The following TBC1D2 variants were observed in gnomAD, a reference collection of about 807,000 sequenced individuals.
The protein encoded by TBC1D2 is TBC1 domain family member 2A.
Under a neutral mutation model 91.1 loss-of-function variants are expected in TBC1D2, and 58 were observed. The observed-to-expected ratio is 0.64, with a 90% confidence interval of 0.52 to 0.79. The LOEUF is 0.79. TBC1D2 is among the 30% of genes least tolerant of loss of function. The pLI is 0.00. For synonymous variants in TBC1D2, 482 were observed against 511.5 expected (o/e 0.94, Z 0.78); for missense variants, 1,080 against 1,208.3 (o/e 0.89, Z 1.57).
Position 98,221,071 on chromosome 9 carries a change from A to G in TBC1D2, c.1136T>C (p.Leu379Pro). Residue 379 changes from leucine to proline, a missense_variant, in exon 6 of 13, where the codon CTG (leucine) becomes CCG (proline). By Grantham distance (98) the Leu-to-Pro change is moderately conservative. Transcript: ENST00000465784. ...CGCCAGGCTCTCCCGCTCCTGCTCC[A>G]GGGCCTCCACCCGCCGGCCCAGCTC... ...IAELGRRVEA[L>P]EQERESLAHT... The G allele has an allele frequency of 1.9e-6, 3 of 1,606,022 alleles. No homozygotes were observed. The highest frequency in any genetic ancestry group is 2.6e-6 in the Non-Finnish European group (3 of 1,176,204).
At chr9:98,205,379 G>A (rs1249564448) in intron 9 of TBC1D2, among the ~76,000 whole-genome samples, 2 of 152,228 alleles carry the variant, frequency 1.3e-5, no homozygotes, top group African/African-American at 4.8e-5. Context: ...GGCTTGCAAA[G>A]AAAGGAGTGT....
intron 5 of TBC1D2, among the ~76,000 whole-genome samples, chr9:98,222,665 C>A (rs1015417536): frequency 6.6e-6 from 1 of 152,204 alleles, no homozygotes; most frequent in African/African-American, 2.4e-5. Flanking sequence ...GCAGCCAGGT[C>A]CACGTGGAAC....
intron 9 of TBC1D2, among the ~76,000 whole-genome samples, chr9:98,206,681 G>A (rs1326035342): frequency 6.6e-6 from 1 of 152,160 alleles, no homozygotes; most frequent in Non-Finnish European, 1.5e-5. Context: ...GGGGCGGGGG[G>A]CCAGGGTGAG....
At position 98,220,868 on chromosome 9, in the gene TBC1D2, A is replaced by C. The variant is rs543441001; in HGVS notation, c.1339T>G (p.Phe447Val). 4.3e-6 allele frequency: 7 copies of C among 1,614,136 alleles called. No homozygotes were observed. In the African/African-American group the frequency reaches 8.0e-5, roughly 18 times the overall value. The change falls in exon 6 of 13, where the codon TTC (phenylalanine) becomes GTC (valine). Residue 447 changes from phenylalanine (F) to valine (V), a missense_variant. Transcript: ENST00000465784. ...PLRPDAANRD[F>V]LSQQGKIEHL... Reference sequence around the variant, plus strand: ...TCTATCTTCCCCTGCTGGCTCAGGAAGTCCCTGTTGGCAGCGTCGGGGCGC... The same window carrying C: ...TCTATCTTCCCCTGCTGGCTCAGGACGTCCCTGTTGGCAGCGTCGGGGCGC...
chr9:98,255,494 AG>A lies in TBC1D2; in HGVS notation c.47del (p.Pro16LeufsTer37). The part of the protein sequence containing the change: ...ENAPESSSSA[P>X]GSEESARDPQ... Reference sequence around the variant, plus strand: ...GATCCCTGGCAGACTCTTCGGACCCAGGGGCAGAGGAGCTGGACTCCGGGGC... The same window carrying A: ...GATCCCTGGCAGACTCTTCGGACCCAGGGCAGAGGAGCTGGACTCCGGGGC... On this transcript the variant is annotated frameshift_variant, in exon 1 of 13. Coordinates refer to ENST00000465784, the MANE Select transcript of TBC1D2 (RefSeq NM_001267571.2). LOFTEE classifies it high-confidence loss of function. 1 of 1,558,664 alleles carries A rather than the reference AG, an allele frequency of 6.4e-7. No individual in the cohort carries two copies. The highest frequency in any genetic ancestry group is 8.7e-7 in the Non-Finnish European group (1 of 1,150,312).
chr9:98,200,208 G>T, intron 12 of TBC1D2, 45 bp downstream of exon 12: 2 of 1,610,312 alleles, frequency 1.2e-6, no homozygotes, highest in Non-Finnish European at 1.7e-6. Context: ...TGTGTCCTTG[G>T]GGGTGTGTGA....
Position 98,208,798 on chromosome 9 carries a change from G to A in TBC1D2, c.2020C>T (p.Leu674=), listed in dbSNP as rs1421288192. 1 of 1,599,824 alleles carries A rather than the reference G, an allele frequency of 6.3e-7. No homozygotes were observed. The highest frequency in any genetic ancestry group is 8.5e-7 in the Non-Finnish European group (1 of 1,169,986). The change falls in exon 9 of 13, where the codon CTG becomes TTG. Residue 674 remains leucine (L), a synonymous_variant. Transcript: ENST00000465784. The part of the protein sequence containing the change: ...HPAARQIELD[L]NRTFPNNKHF... ...TTGTTGTTGGGGAAGGTCCGGTTCA[G>A]GTCCAGCTCAATCTGGCGGGCAGCA...
intron 3 of TBC1D2, among the ~76,000 whole-genome samples, chr9:98,242,557 T>C (rs1450233969): frequency 6.6e-6 from 1 of 152,036 alleles, no homozygotes; most frequent in African/African-American, 2.4e-5. Context: ...AGAGTAACAA[T>C]AGCAGCAGCA....
intron 6 of TBC1D2, among the ~76,000 whole-genome samples, chr9:98,214,603 C>G (rs1039433479): frequency 1.3e-5 from 2 of 151,616 alleles, no homozygotes; most frequent in Non-Finnish European, 2.9e-5. Flanking sequence ...GCAAGGATGA[C>G]TCCGACGTGG....
chr9:98,235,380 C>A, intron 3 of TBC1D2: 1 of 461,160 alleles, frequency 2.2e-6, no homozygotes, highest in Admixed American at 2.7e-5. Context: ...CAAGGAATTC[C>A]AGTGCTAGTA....
chr9:98,208,320 G>A (rs763852549), intron 9 of TBC1D2, among the ~76,000 whole-genome samples: 7 of 152,136 alleles, frequency 4.6e-5, no homozygotes, highest in Non-Finnish European at 8.8e-5. Context: ...TGGCACTAGG[G>A]ACCGGTTTCA....
chr9:98,226,544 T>A (rs1398245199), intron 5 of TBC1D2, among the ~76,000 whole-genome samples: 1 of 152,224 alleles, frequency 6.6e-6, no homozygotes, highest in Non-Finnish European at 1.5e-5. Context: ...AGAAACTTGC[T>A]TAGGGCCAGA....
At chr9:98,230,058 G>C (rs1364818425) in intron 4 of TBC1D2, among the ~76,000 whole-genome samples, 4 of 152,134 alleles carry the variant, frequency 2.6e-5, no homozygotes, top group Non-Finnish European at 5.9e-5. Flanking sequence ...GTCCTGCCCT[G>C]ACCCAGCTGT....
chr9:98,237,382 C>T (rs67569753), intron 3 of TBC1D2, among the ~76,000 whole-genome samples: 66,366 of 151,294 alleles, frequency 0.44, 17,368 homozygotes, highest in African/African-American at 0.74. Flanking sequence ...TCAGGCTTTG[C>T]TGAAAAAAAA....
chr9:98,232,385 T>A (rs76026715), intron 4 of TBC1D2, among the ~76,000 whole-genome samples: 1 of 145,580 alleles, frequency 6.9e-6, no homozygotes, highest in African/African-American at 2.6e-5. Flanking sequence ...CCATGCATGA[T>A]CACGGCTCAC....
At position 98,220,830 on chromosome 9, in the gene TBC1D2, T is replaced by C. The variant is rs957641306; in HGVS notation, c.1374+3A>G. On this transcript the variant is annotated splice_donor_region_variant and intron_variant, in intron 6 of 12. Coordinates refer to ENST00000465784, the MANE Select transcript of TBC1D2 (RefSeq NM_001267571.2). ...CTGGCAGGCCCTGAGGGGAGGCCCCTACCTTCAGGTGCTCTATCTTCCCCT... is the reference window on the plus strand; with the variant it reads ...CTGGCAGGCCCTGAGGGGAGGCCCCCACCTTCAGGTGCTCTATCTTCCCCT... 6.2e-7 allele frequency: 1 copy of C among 1,613,084 alleles called. No individual in the cohort carries two copies. Among genetic ancestry groups the C allele is most frequent in the Non-Finnish European group, 8.5e-7 (1 of 1,179,360 alleles).
chr9:98,208,768 A>G lies in TBC1D2; in HGVS notation c.2050T>C (p.Phe684Leu). 3.8e-6 allele frequency: 6 copies of G among 1,577,868 alleles called. No individual in the cohort carries two copies. The highest frequency in any genetic ancestry group is 5.2e-6 in the Non-Finnish European group (6 of 1,157,166). ...GGGAAGCTGGAGGTGGGGCAGGTGA[A>G]GTGTTTGTTGTTGGGGAAGGTCCGG... ...LNRTFPNNKHFTCPTSSFPDK... is the reference protein window; with the variant it reads ...LNRTFPNNKHLTCPTSSFPDK... The change falls in exon 9 of 13, where the codon TTC becomes CTC. Residue 684 changes from phenylalanine to leucine, a missense_variant. Transcript: ENST00000465784.
chr9:98,244,160 C>A (rs775780568), intron 2 of TBC1D2, 31 bp from the exon 3 acceptor site: 1 of 1,610,770 alleles, frequency 6.2e-7, no homozygotes, highest in South Asian at 1.1e-5. Flanking sequence ...AATCCATCAG[C>A]TGGGTCACTG....
intron 10 of TBC1D2, 114 bp from the exon 11 acceptor site, chr9:98,201,778 A>C (rs1828512188): frequency 8.8e-7 from 1 of 1,139,616 alleles, no homozygotes; most frequent in Non-Finnish European, 1.2e-6. Flanking sequence ...TGCTCTGGGC[A>C]GGTCCTTTCC....
Sources: allele counts gnomAD v4.1 joint callset (sites outside exome capture counted in the v4.1 genomes callset), GRCh38; gene constraint gnomAD v4.1.1; transcripts MANE v1.5; gene names NCBI Gene and HGNC (gene_info 2026-07-23, HGNC 2026-07-21).